Variants in SETDB2 observed in about 807,000 individuals in gnomAD.
SETDB2 encodes histone-lysine N-methyltransferase SETDB2.
A neutral mutation model predicts 82.5 loss-of-function variants in SETDB2; 56 were observed. That is an observed-to-expected ratio of 0.68 (90% CI 0.55 to 0.85). SETDB2 has a LOEUF of 0.85. Among genes scored for constraint, SETDB2 ranks in the 40% least tolerant of loss-of-function variants. The pLI, the probability that SETDB2 is intolerant of heterozygous loss-of-function variation, is 0.00. For missense variants in SETDB2, 677 were observed against 816.4 expected, an observed-to-expected ratio of 0.83 and a Z score of 2.08; for synonymous variants, 272 against 284.9, an observed-to-expected ratio of 0.95 and a Z score of 0.46.
chr13:49,462,369 C>G (rs1430559422), intron 4 of SETDB2, among the ~76,000 whole-genome samples: 3 of 152,142 alleles, frequency 2.0e-5, no homozygotes, highest in Admixed American at 1.3e-4. Flanking sequence ...AAAAGACACT[C>G]TTATCACTAC....
intron 5 of SETDB2, among the ~76,000 whole-genome samples, chr13:49,475,980 G>C (rs1044234106): frequency 6.6e-6 from 1 of 151,766 alleles, no homozygotes; most frequent in African/African-American, 2.4e-5. Context: ...TTGTTTTTTT[G>C]CATGCAAAGA....
At chr13:49,446,616 C>T (rs1349303668) in intron 1 of SETDB2, among the ~76,000 whole-genome samples, 1 of 152,118 alleles carries the variant, frequency 6.6e-6, no homozygotes, top group African/African-American at 2.4e-5. Flanking sequence ...TTATTTATAG[C>T]TCATTATGTT....
intron 4 of SETDB2, among the ~76,000 whole-genome samples, chr13:49,461,441 T>C (rs1038593941): frequency 2.6e-4 from 39 of 152,156 alleles, no homozygotes; most frequent in African/African-American, 9.2e-4. Context: ...AGAGGGCAAA[T>C]AGAATTCTAA....
At chr13:49,473,419 C>T (rs117657693) in intron 5 of SETDB2, among the ~76,000 whole-genome samples, 2,722 of 151,894 alleles carry the variant, frequency 0.018, 49 homozygotes, top group Middle Eastern at 0.044. Flanking sequence ...GGCTTTGTGA[C>T]GCATGCCTTT....
intron 11 of SETDB2, among the ~76,000 whole-genome samples, chr13:49,486,890 G>A (rs971025346): frequency 6.6e-6 from 1 of 152,104 alleles, no homozygotes; most frequent in Non-Finnish European, 1.5e-5. Context: ...CCCTGCAACC[G>A]CAGCTCTCCA....
intron 5 of SETDB2, 56 bp from the exon 6 acceptor site, chr13:49,476,419 TA>T: frequency 1.7e-6 from 2 of 1,172,192 alleles, no homozygotes; most frequent in South Asian, 1.5e-5. Flanking sequence ...ATAGTTTTTT[TA>T]AAATGAGGAA....
intron 4 of SETDB2, among the ~76,000 whole-genome samples, chr13:49,462,337 A>C (rs548009552): frequency 2.8e-4 from 42 of 152,250 alleles, no homozygotes; most frequent in Non-Finnish European, 4.7e-4. Flanking sequence ...CTCACCTCTC[A>C]ACAGTCATCT....
chr13:49,475,797 T>C (rs1266217214), intron 5 of SETDB2, among the ~76,000 whole-genome samples: 1 of 152,038 alleles, frequency 6.6e-6, no homozygotes, highest in East Asian at 1.9e-4. Flanking sequence ...CGACTTTTTT[T>C]TTTATTTTAT....
At chr13:49,475,168 C>G (rs974030013) in intron 5 of SETDB2, among the ~76,000 whole-genome samples, 16 of 152,136 alleles carry the variant, frequency 1.1e-4, no homozygotes, top group African/African-American at 3.9e-4. Flanking sequence ...AGGCAAAGAG[C>G]TTGTGCAGGG....
At chr13:49,484,942 T>C (rs183534606) in intron 10 of SETDB2, among the ~76,000 whole-genome samples, 3 of 152,350 alleles carry the variant, frequency 2.0e-5, no homozygotes, top group Admixed American at 6.5e-5. Flanking sequence ...GGTATCTCCA[T>C]ACATACATTT....
chr13:49,476,410 T>C, intron 5 of SETDB2, 66 bp from the exon 6 acceptor site: 3 of 1,069,732 alleles, frequency 2.8e-6, no homozygotes, highest in South Asian at 3.2e-5. Flanking sequence ...AAAATAATCA[T>C]AGTTTTTTTA....
chr13:49,478,380 A>G (rs930118261), intron 6 of SETDB2, among the ~76,000 whole-genome samples: 1 of 152,210 alleles, frequency 6.6e-6, no homozygotes, highest in African/African-American at 2.4e-5. Flanking sequence ...AATTGTATTA[A>G]TGAAAACCTT....
At chr13:49,454,028 C>G (rs958592553) in intron 2 of SETDB2, among the ~76,000 whole-genome samples, 4 of 152,136 alleles carry the variant, frequency 2.6e-5, no homozygotes, top group Admixed American at 2.6e-4. Context: ...CTCACCTTAT[C>G]TGTATGCTCC....
At chr13:49,482,642 T>G (rs1958502235) in intron 8 of SETDB2, 95 bp from the exon 9 acceptor site, 5 of 785,154 alleles carry the variant, frequency 6.4e-6, no homozygotes, top group Admixed American at 2.7e-5. Context: ...GTAGAATGTG[T>G]GGGTTCTTTA....
At chr13:49,481,638 C>T (rs151223360) in intron 8 of SETDB2, among the ~76,000 whole-genome samples, 16 of 152,296 alleles carry the variant, frequency 1.1e-4, no homozygotes, top group East Asian at 3.9e-4. Context: ...CAAAACTTCC[C>T]GAGCAGTGTG....
At position 49,459,615 on chromosome 13, in the gene SETDB2, A is replaced by G. The variant is rs538014413; in HGVS notation, c.17-492A>G. 2.0e-5 allele frequency among the ~76,000 whole-genome samples: 3 copies of G among 152,310 alleles called. No individual in the cohort carries two copies. In the South Asian group the frequency reaches 6.2e-4, roughly 32 times the overall value. On this transcript the variant is annotated intron_variant, in intron 2 of 13. Transcript: ENST00000611815. ...TACTGGGCATCAGAAATGTTGGCTC[A>G]TTTATGTAACTTTCTCTGTACAACT...
Position 49,444,336 on chromosome 13 carries a change from G to A in SETDB2, c.-863G>A, listed in dbSNP as rs1957610695. On this transcript the variant is annotated 5_prime_UTR_variant, in exon 1 of 14. Coordinates refer to ENST00000611815, the MANE Select transcript of SETDB2 (RefSeq NM_001160308.3). ...GCGGGACTGTTGTGGTTGAGATGAA[G>A]GCTAGTAAATGGTGAAGTACTTCCC... is the stretch of plus-strand genomic sequence containing the variant. 1 of 267,500 alleles carries A rather than the reference G, an allele frequency of 3.7e-6. No individual in the cohort carries two copies. The highest frequency in any genetic ancestry group is 3.2e-5 in the South Asian group (1 of 31,066). 16.6% of individuals were successfully genotyped at this position (267,500 alleles called of 1,614,324 possible). A position where few individuals can be genotyped will look rare whatever the true frequency, so the allele number is the denominator to read the frequency against.
intron 12 of SETDB2, chr13:49,488,939 A>C (rs1329035837): frequency 1.5e-5 from 3 of 202,214 alleles, no homozygotes; most frequent in Non-Finnish European, 3.0e-5. Context: ...ATGGTGTATA[A>C]GAAAAGTATT....
intron 10 of SETDB2, among the ~76,000 whole-genome samples, chr13:49,484,824 T>TAATG (rs762538959): frequency 3.3e-5 from 5 of 152,186 alleles, no homozygotes; most frequent in Non-Finnish European, 7.3e-5. Flanking sequence ...CTCTGCCTGG[T>TAATG]AATGGTACAG....
Sources: allele counts gnomAD v4.1 joint callset (sites outside exome capture counted in the v4.1 genomes callset), GRCh38; gene constraint gnomAD v4.1.1; transcripts MANE v1.5; gene names NCBI Gene and HGNC (gene_info 2026-07-23, HGNC 2026-07-21).